Variants in FTO observed in about 807,000 individuals in gnomAD.
The protein encoded by FTO is alpha-ketoglutarate-dependent dioxygenase FTO.
FTO carries 47 observed loss-of-function variants against 63.9 expected under a neutral mutation model. That is an observed-to-expected ratio of 0.74 (90% CI 0.58 to 0.94). The LOEUF (loss-of-function observed/expected upper bound fraction) is 0.94. Ranked by LOEUF, FTO falls within the 40% of genes least tolerant of loss-of-function variation. FTO has a pLI of 0.00. For synonymous variants in FTO, 207 were observed against 224.4 expected (o/e 0.92, Z 0.69); for missense variants, 562 against 618.1 (o/e 0.91, Z 0.96).
chr16:53,984,955 GT>G (rs2083632566), intron 8 of FTO: 2 of 456,564 alleles, frequency 4.4e-6, no homozygotes, highest in South Asian at 3.1e-5. Flanking sequence ...AGGAGTGTTG[GT>G]AAGTAGAGAA....
At chr16:53,911,463 T>C in intron 7 of FTO, 1 of 703,100 alleles carries the variant, frequency 1.4e-6, no homozygotes, top group Non-Finnish European at 2.6e-6. Flanking sequence ...GCATTCATCA[T>C]GGGAAGAATT....
chr16:53,839,712 A>G (rs1171095620), intron 3 of FTO, among the ~76,000 whole-genome samples: 1 of 150,852 alleles, frequency 6.6e-6, no homozygotes, highest in Admixed American at 6.6e-5. Flanking sequence ...AAAACTTCAT[A>G]AAAACTGTTC....
intron 8 of FTO, among the ~76,000 whole-genome samples, chr16:54,058,891 T>C (rs1424008554): frequency 3.9e-5 from 6 of 152,240 alleles, no homozygotes; most frequent in African/African-American, 1.4e-4. Flanking sequence ...GTGGTTGTTT[T>C]AAATAGGAGA....
intron 1 of FTO, among the ~76,000 whole-genome samples, chr16:53,802,604 A>C (rs1567307172): frequency 6.6e-6 from 1 of 152,148 alleles, no homozygotes; most frequent in African/African-American, 2.4e-5. Context: ...TTTTCATCAA[A>C]TTTGGAAAAT....
At chr16:54,018,633 A>G (rs1245953918) in intron 8 of FTO, among the ~76,000 whole-genome samples, 1 of 152,074 alleles carries the variant, frequency 6.6e-6, no homozygotes, top group East Asian at 1.9e-4. Context: ...CCCCCATGCT[A>G]GTCTCGTGAT....
intron 1 of FTO, among the ~76,000 whole-genome samples, chr16:53,805,828 G>A (rs2078350047): frequency 6.6e-6 from 1 of 152,170 alleles, no homozygotes; most frequent in African/African-American, 2.4e-5. Flanking sequence ...TGTGTGCAGG[G>A]GTCTTCATCT....
At chr16:54,009,818 C>T (rs2084296691) in intron 8 of FTO, among the ~76,000 whole-genome samples, 1 of 152,122 alleles carries the variant, frequency 6.6e-6, no homozygotes, top group Non-Finnish European at 1.5e-5. Context: ...CATGTAACTC[C>T]CTCTGTGACT....
At position 53,752,541 on chromosome 16, in the gene FTO, A is replaced by G. The variant is rs148294879; in HGVS notation, c.45+48312A>G. ...TAATTCAAAAGGGTAGTGTTCAAAT[A>G]TTATCTTTAAAATTAAAAAAGTTGA... On this transcript the variant is annotated intron_variant, in intron 1 of 8. Coordinates refer to ENST00000471389, the MANE Select transcript of FTO (RefSeq NM_001080432.3). Among the ~76,000 whole-genome samples, 416 of 152,324 alleles carry G rather than the reference A, an allele frequency of 2.7e-3. 5 individuals are homozygous for G. The highest frequency in any genetic ancestry group is 9.5e-3 in the African/African-American group (395 of 41,580).
At chr16:53,981,385 GT>G in intron 8 of FTO, 1 of 152,332 alleles carries the variant, frequency 6.6e-6, no homozygotes, top group Non-Finnish European at 1.5e-5. Flanking sequence ...ATTCCCTGGT[GT>G]TCCCCAAATC....
intron 6 of FTO, among the ~76,000 whole-genome samples, chr16:53,882,021 A>G (rs1165118874): frequency 6.6e-6 from 1 of 152,176 alleles, no homozygotes; most frequent in Non-Finnish European, 1.5e-5. Flanking sequence ...TAATTATTGG[A>G]TTCTGCACTT....
chr16:54,075,093 T>C (rs2085961881), intron 8 of FTO, among the ~76,000 whole-genome samples: 1 of 152,222 alleles, frequency 6.6e-6, no homozygotes, highest in Admixed American at 6.5e-5. Flanking sequence ...GTGAAATACT[T>C]GTTCATGTCG....
chr16:53,847,438 GTTC>G (rs1567355631), intron 4 of FTO, among the ~76,000 whole-genome samples: 1 of 152,142 alleles, frequency 6.6e-6, no homozygotes, highest in African/African-American at 2.4e-5. Context: ...TTTCTTTTCT[GTTC>G]TTCTTAAGGT....
At chr16:53,800,328 A>G (rs1207952316) in intron 1 of FTO, among the ~76,000 whole-genome samples, 1 of 152,152 alleles carries the variant, frequency 6.6e-6, no homozygotes, top group Non-Finnish European at 1.5e-5. Flanking sequence ...ATCTGTTATT[A>G]TTTTAAGTTT....
intron 1 of FTO, among the ~76,000 whole-genome samples, chr16:53,767,920 G>A (rs1294827400): frequency 6.6e-6 from 1 of 152,070 alleles, no homozygotes; most frequent in Non-Finnish European, 1.5e-5. Context: ...TCTAATTCTG[G>A]CTGGATTGTT....
intron 8 of FTO, among the ~76,000 whole-genome samples, chr16:53,975,840 A>G (rs2083425516): frequency 6.6e-6 from 1 of 152,138 alleles, no homozygotes; most frequent in African/African-American, 2.4e-5. Context: ...CATGCCAAAC[A>G]TGTGCTGGAT....
intron 8 of FTO, among the ~76,000 whole-genome samples, chr16:54,058,682 A>G (rs575724911): frequency 6.6e-6 from 1 of 152,292 alleles, no homozygotes; most frequent in South Asian, 2.1e-4. Context: ...TAAGTGGGGA[A>G]AGGCAGACAA....
intron 1 of FTO, among the ~76,000 whole-genome samples, chr16:53,802,075 T>C (rs1012238348): frequency 2.0e-5 from 3 of 152,222 alleles, no homozygotes; most frequent in Non-Finnish European, 4.4e-5. Flanking sequence ...TATTTGGTTT[T>C]ATTTTTATAG....
chr16:53,975,883 C>G (rs1461270345), intron 8 of FTO, among the ~76,000 whole-genome samples: 1 of 152,040 alleles, frequency 6.6e-6, no homozygotes, highest in Non-Finnish European at 1.5e-5. Flanking sequence ...TATAGCAACC[C>G]TATGAGTAGG....
chr16:53,914,634 A>G (rs987504772), intron 7 of FTO, among the ~76,000 whole-genome samples: 46 of 152,238 alleles, frequency 3.0e-4, no homozygotes, highest in African/African-American at 9.4e-4. Flanking sequence ...TCATTACTGG[A>G]AAAGCGCTTT....
Sources: gnomAD v4.1 joint callset for allele counts (sites outside exome capture counted in the v4.1 genomes callset) on GRCh38, gnomAD v4.1.1 for gene constraint, MANE v1.5 for transcripts, NCBI Gene and HGNC (gene_info 2026-07-23, HGNC 2026-07-21) for gene names.